Variants in HPSE2 observed in about 807,000 individuals in gnomAD.
HPSE2 encodes inactive heparanase-2.
Under a neutral mutation model 60.5 loss-of-function variants are expected in HPSE2, and 38 were observed. The ratio of observed to expected loss-of-function variants is 0.63; its 90% confidence interval spans 0.48 to 0.82. The LOEUF is 0.82. Ranked by LOEUF, HPSE2 falls within the 40% of genes least tolerant of loss-of-function variation. HPSE2 has a pLI of 0.00. For missense variants in HPSE2, 713 were observed against 740.4 expected (o/e 0.96, Z 0.43); for synonymous variants, 295 against 293.2 (o/e 1.01, Z -0.06).
At chr10:98,951,478 C>CA (rs533356583) in intron 3 of HPSE2, among the ~76,000 whole-genome samples, 3 of 151,812 alleles carry the variant, frequency 2.0e-5, no homozygotes, top group South Asian at 2.1e-4. Context: ...AGGGAAGTGA[C>CA]AAAAAAATAA....
intron 3 of HPSE2, among the ~76,000 whole-genome samples, chr10:99,086,346 C>CTTTTTTTTTTTTTTTTTTTTTTTTTTTTT: frequency 1.2e-5 from 1 of 82,998 alleles, no homozygotes; most frequent in Admixed American, 1.8e-4. Flanking sequence ...AAAGTACTTT[C>CTTTTTTTTTTTTTTTTTTTTTTTTTTTTT]TTTTTTTTTT....
At chr10:98,992,465 C>G (rs1956547832) in intron 3 of HPSE2, among the ~76,000 whole-genome samples, 1 of 152,116 alleles carries the variant, frequency 6.6e-6, no homozygotes, top group Non-Finnish European at 1.5e-5. Context: ...AACAGGGAAG[C>G]TGAGGCCATG....
At chr10:99,271,748 C>T in the HPSE2 span, among the ~76,000 whole-genome samples, 1 of 152,114 alleles carries the variant, frequency 6.6e-6, no homozygotes, top group Non-Finnish European at 1.5e-5. Flanking sequence ...TCAAACTATA[C>T]AATAAGGCCA....
intron 2 of HPSE2, among the ~76,000 whole-genome samples, chr10:99,195,236 A>G (rs187092473): frequency 3.9e-5 from 6 of 152,264 alleles, no homozygotes; most frequent in Admixed American, 3.3e-4. Flanking sequence ...TTAACACAAT[A>G]AAAGCCATAT....
intron 7 of HPSE2, among the ~76,000 whole-genome samples, chr10:98,623,167 T>G (rs993304669): frequency 1.3e-5 from 2 of 152,104 alleles, no homozygotes; most frequent in Admixed American, 6.6e-5. Context: ...GGTAAATACT[T>G]TAACATAAAT....
chr10:98,717,069 G>C (rs1410881549), intron 5 of HPSE2, among the ~76,000 whole-genome samples: 1 of 152,104 alleles, frequency 6.6e-6, no homozygotes, highest in Non-Finnish European at 1.5e-5. Flanking sequence ...AGCACTGGCT[G>C]CTTTCCCTTG....
chr10:98,899,688 TG>T (rs1302616985), intron 3 of HPSE2, among the ~76,000 whole-genome samples: 2 of 151,022 alleles, frequency 1.3e-5, no homozygotes, highest in Admixed American at 1.3e-4. Context: ...GGTAGAGGAA[TG>T]AAAATTCTTA....
chr10:99,288,219 G>A, the HPSE2 span, among the ~76,000 whole-genome samples: 1 of 152,040 alleles, frequency 6.6e-6, no homozygotes, highest in African/African-American at 2.4e-5. Context: ...TTTAAATTGT[G>A]TTCCAGGGAG....
intron 3 of HPSE2, among the ~76,000 whole-genome samples, chr10:98,949,615 A>G (rs1021943375): frequency 6.6e-6 from 1 of 152,146 alleles, no homozygotes; most frequent in Non-Finnish European, 1.5e-5. Context: ...CCCTTTCTGA[A>G]GTTACCTGAA....
At chr10:99,231,396 C>T (rs953133952) in intron 2 of HPSE2, among the ~76,000 whole-genome samples, 5 of 152,282 alleles carry the variant, frequency 3.3e-5, no homozygotes, top group Non-Finnish European at 4.4e-5. Flanking sequence ...ACACTAATGC[C>T]TCTTCTATCC....
intron 3 of HPSE2, among the ~76,000 whole-genome samples, chr10:99,032,032 T>A (rs1292773462): frequency 1.3e-5 from 2 of 152,218 alleles, no homozygotes; most frequent in East Asian, 3.8e-4. Context: ...AGTTTGAATG[T>A]CTACATCAAT....
chr10:98,727,114 G>T (rs1480073897), intron 4 of HPSE2, among the ~76,000 whole-genome samples: 1 of 152,110 alleles, frequency 6.6e-6, no homozygotes, highest in African/African-American at 2.4e-5. Flanking sequence ...AGAGATATCA[G>T]TAGCTACACG....
intron 3 of HPSE2, among the ~76,000 whole-genome samples, chr10:98,999,152 A>T (rs1956716944): frequency 7.4e-6 from 1 of 135,640 alleles, no homozygotes; most frequent in African/African-American, 3.1e-5. Context: ...AGTGGTATAG[A>T]CTACGTGTGT....
chr10:98,943,198 T>C (rs576371015), intron 3 of HPSE2, among the ~76,000 whole-genome samples: 68 of 151,154 alleles, frequency 4.5e-4, no homozygotes, highest in Non-Finnish European at 8.1e-4. Context: ...AACGTGCACA[T>C]TGTGCACATA....
At chr10:98,954,766 T>C (rs1955460141) in intron 3 of HPSE2, among the ~76,000 whole-genome samples, 1 of 152,000 alleles carries the variant, frequency 6.6e-6, no homozygotes, top group Non-Finnish European at 1.5e-5. Context: ...ATAAGGTCAG[T>C]ACAATATAAA....
intron 11 of HPSE2, among the ~76,000 whole-genome samples, chr10:98,462,687 A>T (rs1341077777): frequency 6.6e-6 from 1 of 152,012 alleles, no homozygotes; most frequent in African/African-American, 2.4e-5. Flanking sequence ...AGAGGGAGCC[A>T]TTCCCCTCTG....
chr10:98,955,532 T>C (rs922333535), intron 3 of HPSE2, among the ~76,000 whole-genome samples: 3 of 152,130 alleles, frequency 2.0e-5, no homozygotes, highest in Admixed American at 6.5e-5. Flanking sequence ...AGTTCAACCA[T>C]TGTGGAAGAC....
intron 3 of HPSE2, among the ~76,000 whole-genome samples, chr10:98,825,972 T>G (rs1589892962): frequency 6.6e-6 from 1 of 152,310 alleles, no homozygotes; most frequent in East Asian, 1.9e-4. Context: ...ACCACCCTAC[T>G]TCCAGACTCC....
At chr10:98,659,675 C>T (rs1021562193) in intron 6 of HPSE2, among the ~76,000 whole-genome samples, 1 of 152,160 alleles carries the variant, frequency 6.6e-6, no homozygotes, top group African/African-American at 2.4e-5. Context: ...TTGGAGCATA[C>T]ACACCTATGA....
Sources: allele counts gnomAD v4.1 joint callset (sites outside exome capture counted in the v4.1 genomes callset), GRCh38; gene constraint gnomAD v4.1.1; transcripts MANE v1.5; gene names NCBI Gene and HGNC (gene_info 2026-07-23, HGNC 2026-07-21).